Variants in UGT3A2 observed in about 807,000 individuals in gnomAD.
UGT3A2 encodes the protein UDP-glycosyltransferase 3A2.
Under a neutral mutation model 39.8 loss-of-function variants are expected in UGT3A2, and 32 were observed. The ratio of observed to expected loss-of-function variants is 0.80; its 90% confidence interval spans 0.61 to 1.08. UGT3A2 has a LOEUF of 1.08. Ranked by LOEUF, UGT3A2 falls within the 50% of genes least tolerant of loss-of-function variation. The pLI, the probability that UGT3A2 is intolerant of heterozygous loss-of-function variation, is 0.00. For synonymous variants in UGT3A2, 241 were observed against 230.7 expected (o/e 1.04, Z -0.40); for missense variants, 611 against 637.1 (o/e 0.96, Z 0.44).
At chr5:36,063,072 CAAT>C (rs962354574) in intron 2 of UGT3A2, among the ~76,000 whole-genome samples, 3 of 151,904 alleles carry the variant, frequency 2.0e-5, no homozygotes, top group Non-Finnish European at 4.4e-5. Flanking sequence ...GAAATCTGAA[CAAT>C]GACAAGGCCT....
intron 4 of UGT3A2, among the ~76,000 whole-genome samples, chr5:36,041,818 A>T (rs187527942): frequency 6.6e-6 from 1 of 152,282 alleles, no homozygotes; most frequent in African/African-American, 2.4e-5. Context: ...GATTAGAATA[A>T]ATACTTAACT....
chr5:36,059,966 C>A (rs1291109771), intron 2 of UGT3A2, among the ~76,000 whole-genome samples: 1 of 152,106 alleles, frequency 6.6e-6, no homozygotes, highest in African/African-American at 2.4e-5. Context: ...AGGCCTGGTT[C>A]CCCCAGTACA....
chr5:36,066,822 T>C lies in UGT3A2; in HGVS notation c.-33A>G. 6.2e-7 allele frequency: 1 copy of C among 1,613,332 alleles called. No homozygotes were observed. The highest frequency in any genetic ancestry group is 8.5e-7 in the Non-Finnish European group (1 of 1,179,244). On this transcript the variant is annotated 5_prime_UTR_variant, in exon 1 of 7. Coordinates refer to ENST00000282507, the MANE Select transcript of UGT3A2 (RefSeq NM_174914.4). ...TCTACGGAAGCCGCGGATCTCAGCC[T>C]GGGCTGCGCGCCCTGCGCCCGGCTA...
chr5:36,038,786 T>A (rs1580995667), intron 5 of UGT3A2, among the ~76,000 whole-genome samples: 1 of 152,232 alleles, frequency 6.6e-6, no homozygotes, highest in Non-Finnish European at 1.5e-5. Context: ...TTGCCCAGAT[T>A]CTTTTCAGCC....
At chr5:36,041,124 G>A (rs1407307998) in intron 4 of UGT3A2, among the ~76,000 whole-genome samples, 3 of 152,038 alleles carry the variant, frequency 2.0e-5, no homozygotes, top group Admixed American at 6.5e-5. Flanking sequence ...AAAAGCCCTC[G>A]GGCCTAAAAT....
chr5:36,058,255 TA>T (rs1561496674), intron 2 of UGT3A2, among the ~76,000 whole-genome samples: 1 of 152,144 alleles, frequency 6.6e-6, no homozygotes, highest in Non-Finnish European at 1.5e-5. Flanking sequence ...TTATGCTAAA[TA>T]AAGCAAGCCA....
rs532165433 is a variant in UGT3A2 at position 36,039,780 on chromosome 5, G to A, written c.844-72C>T. On this transcript the variant is annotated intron_variant, in intron 4 of 6. Coordinates refer to ENST00000282507, the MANE Select transcript of UGT3A2 (RefSeq NM_174914.4). ...AAGCCTAGTTGACCAGAAAATGAAAGCCAGAGTATTTACTAACACAGTGCC... is the reference window on the plus strand; with the variant it reads ...AAGCCTAGTTGACCAGAAAATGAAAACCAGAGTATTTACTAACACAGTGCC... The A allele has an allele frequency of 1.1e-4, 148 of 1,309,944 alleles. No individual in the cohort carries two copies. In the African/African-American group the frequency reaches 2.0e-3, roughly 18 times the overall value. The allele number at this position is 1,309,944 out of a possible 1,614,324, so 81.1% of individuals were successfully genotyped here. A position where few individuals can be genotyped will look rare whatever the true frequency, so the allele number is the denominator to read the frequency against.
At chr5:36,063,084 C>G (rs1425134862) in intron 2 of UGT3A2, among the ~76,000 whole-genome samples, 1 of 152,008 alleles carries the variant, frequency 6.6e-6, no homozygotes, top group Non-Finnish European at 1.5e-5. Flanking sequence ...ATGACAAGGC[C>G]TGATATTATC....
At chr5:36,062,915 C>T (rs995331444) in intron 2 of UGT3A2, among the ~76,000 whole-genome samples, 2 of 152,004 alleles carry the variant, frequency 1.3e-5, no homozygotes, top group African/African-American at 2.4e-5. Context: ...GTGGTACACA[C>T]CTGTAATGTC....
chr5:36,058,743 A>C (rs757833357), intron 2 of UGT3A2, among the ~76,000 whole-genome samples: 2 of 151,360 alleles, frequency 1.3e-5, no homozygotes, highest in African/African-American at 4.9e-5. Flanking sequence ...CCCCTTCTTT[A>C]TAACAGTTTC....
intron 2 of UGT3A2, among the ~76,000 whole-genome samples, chr5:36,059,801 C>T (rs1340338722): frequency 6.6e-6 from 1 of 152,206 alleles, no homozygotes; most frequent in Non-Finnish European, 1.5e-5. Context: ...CTGGCTACAG[C>T]TACAAAAACC....
At position 36,066,738 on chromosome 5, in the gene UGT3A2, G is replaced by C. The variant is rs923374620; in HGVS notation, c.52C>G (p.Leu18Val). ...AGGATTTTGGCAGCCTCTGAGAGCA[G>C]GACCCCAGGGAGAAGGAAGCCCACT... is the stretch of plus-strand genomic sequence containing the variant. ...LLVGFLLPGV[L>V]LSEAAKILTI... Residue 18 changes from leucine (L) to valine (V), a missense_variant, in exon 1 of 7, where the codon CTG becomes GTG. By Grantham distance (32) the Leu-to-Val change is conservative. Coordinates refer to ENST00000282507, the MANE Select transcript of UGT3A2 (RefSeq NM_174914.4). 3.1e-6 allele frequency: 5 copies of C among 1,614,068 alleles called. No individual in the cohort carries two copies. The highest frequency in any genetic ancestry group is 3.4e-6 in the Non-Finnish European group (4 of 1,180,032).
intron 6 of UGT3A2, 64 bp downstream of exon 6, chr5:36,037,733 A>G: frequency 1.9e-6 from 3 of 1,565,666 alleles, no homozygotes; most frequent in Non-Finnish European, 2.6e-6. Context: ...ACAGACTCCC[A>G]TAGTGCCCTT....
rs1265167749 is a variant in UGT3A2, at chr5:36,049,225, T to A, written c.507A>T (p.Ser169=). ...GKPFVAILST[S]FGSLEFGLPI... is the part of the protein sequence containing the mutation. Reference sequence around the variant, plus strand: ...GTAGCCCAAATTCCAAAGAGCCGAATGAAGTGGAAAGAATGGCCACAAATG... The same window carrying A: ...GTAGCCCAAATTCCAAAGAGCCGAAAGAAGTGGAAAGAATGGCCACAAATG... Residue 169 remains serine (S), a synonymous_variant, in exon 4 of 7, where the codon TCA becomes TCT. Coordinates refer to ENST00000282507, the MANE Select transcript of UGT3A2 (RefSeq NM_174914.4). 1.9e-6 allele frequency: 3 copies of A among 1,614,014 alleles called. No homozygotes were observed. In the African/African-American group the frequency reaches 4.0e-5, roughly 22 times the overall value.
At chr5:36,065,334 T>C (rs1238035486) in intron 1 of UGT3A2, among the ~76,000 whole-genome samples, 2 of 152,122 alleles carry the variant, frequency 1.3e-5, no homozygotes, top group Admixed American at 6.6e-5. Context: ...AAGGGACGTA[T>C]AAAGTACAAA....
chr5:36,062,890 A>C (rs1389769115), intron 2 of UGT3A2, among the ~76,000 whole-genome samples: 2 of 152,018 alleles, frequency 1.3e-5, no homozygotes, highest in Non-Finnish European at 2.9e-5. Flanking sequence ...AAATACAAAA[A>C]ATTAGCCGAG....
chr5:36,042,934 A>G (rs763624045), intron 4 of UGT3A2, among the ~76,000 whole-genome samples: 29 of 152,090 alleles, frequency 1.9e-4, no homozygotes, highest in Non-Finnish European at 3.4e-4. Context: ...CAATAAAATA[A>G]TAGATGGAAA....
intron 5 of UGT3A2, among the ~76,000 whole-genome samples, chr5:36,038,641 C>T (rs1410475432): frequency 6.6e-6 from 1 of 152,226 alleles, no homozygotes; most frequent in African/African-American, 2.4e-5. Context: ...ATGACAAGCA[C>T]ATCTCAACCT....
intron 2 of UGT3A2, among the ~76,000 whole-genome samples, chr5:36,057,925 T>A (rs1478473399): frequency 6.6e-6 from 1 of 152,212 alleles, no homozygotes; most frequent in Non-Finnish European, 1.5e-5. Context: ...AGTTACAATT[T>A]TTGAAATTAA....
Sources: gnomAD v4.1 joint callset for allele counts (sites outside exome capture counted in the v4.1 genomes callset) on GRCh38, gnomAD v4.1.1 for gene constraint, MANE v1.5 for transcripts, NCBI Gene and HGNC (gene_info 2026-07-23, HGNC 2026-07-21) for gene names.